WNK1: variants seen among roughly 807,000 people sequenced by gnomAD.
WNK1 encodes the protein serine/threonine-protein kinase WNK1.
WNK1 carries 38 observed loss-of-function variants against 222.8 expected under a neutral mutation model. The ratio of observed to expected loss-of-function variants is 0.17; its 90% CI spans 0.13 to 0.22. The LOEUF is 0.22. Among genes scored for constraint, WNK1 ranks in the 10% least tolerant of loss-of-function variants. The pLI is 1.00. For synonymous variants in WNK1, 1,090 were observed against 1,092.9 expected, an observed-to-expected ratio of 1.00 and a Z score of 0.05; for missense variants, 2,348 against 2,918.4, an observed-to-expected ratio of 0.80 and a Z score of 4.50.
intron 1 of WNK1, among the ~76,000 whole-genome samples, chr12:807,671 T>C (rs992768240): frequency 6.6e-6 from 1 of 151,684 alleles, no homozygotes; most frequent in African/African-American, 2.4e-5. Context: ...AACATTTGTC[T>C]CTGAAGTGTA....
chr12:820,442 C>CTG (rs71293136), intron 2 of WNK1, among the ~76,000 whole-genome samples: 17,896 of 129,202 alleles, frequency 0.14, 1,417 homozygotes, highest in Middle Eastern at 0.25. Context: ...ATTAGCTCAT[C>CTG]TGTGTGTGTG....
At chr12:896,930 A>G (rs1954795678) in intron 24 of WNK1, among the ~76,000 whole-genome samples, 198 bp downstream of exon 24, 2 of 76,438 alleles carry the variant, frequency 2.6e-5, no homozygotes, top group African/African-American at 9.6e-5. Flanking sequence ...ACACACACAC[A>G]CACACACACG....
chr12:891,998 C>G (rs1464689828), intron 22 of WNK1, among the ~76,000 whole-genome samples: 1 of 145,160 alleles, frequency 6.9e-6, no homozygotes, highest in Non-Finnish European at 1.5e-5. Flanking sequence ...TTATGAATAT[C>G]TTATTACTAT....
intron 1 of WNK1, among the ~76,000 whole-genome samples, chr12:759,784 A>T (rs1940761997): frequency 6.8e-6 from 1 of 147,862 alleles, no homozygotes; most frequent in Admixed American, 6.7e-5. Flanking sequence ...TAATTGTGTC[A>T]CCTTGAGCAA....
chr12:864,110 G>GTTTTTTT lies in WNK1; in HGVS notation c.2139+1851_2139+1857dup, dbSNP rs372936466. On this transcript the variant is annotated intron_variant, in intron 8 of 27. Coordinates refer to ENST00000315939, the MANE Select transcript of WNK1 (RefSeq NM_018979.4). ...ACCCTGTGCCTGAACATTTTTTTAA[G>GTTTTTTT]TTTTTTTTTTTTTTTTTGACAGCGT... 4.0e-5 allele frequency among the ~76,000 whole-genome samples: 5 copies of GTTTTTTT among 124,578 alleles called. 1 individual carries two copies. Among genetic ancestry groups the GTTTTTTT allele is most frequent in the African/African-American group, 1.5e-4 (5 of 33,084 alleles). 81.7% of individuals were successfully genotyped at this position (124,578 alleles called of 152,430 possible).
At chr12:772,574 A>G (rs1167643895) in intron 1 of WNK1, among the ~76,000 whole-genome samples, 1 of 152,166 alleles carries the variant, frequency 6.6e-6, no homozygotes, top group Admixed American at 6.6e-5. Flanking sequence ...TTTACCTTAT[A>G]GAAAAACCAT....
At chr12:851,929 T>C (rs572149350) in intron 4 of WNK1, 3 of 743,554 alleles carry the variant, frequency 4.0e-6, no homozygotes, top group African/African-American at 3.7e-5. Context: ...TATTTAGAGT[T>C]CTGTAATTTA....
chr12:858,402 C>T (rs1018061543), intron 5 of WNK1, among the ~76,000 whole-genome samples: 3 of 152,170 alleles, frequency 2.0e-5, no homozygotes, highest in Middle Eastern at 3.4e-3. Context: ...ATTGGTCAGG[C>T]GGGTTGCAGA....
intron 26 of WNK1, among the ~76,000 whole-genome samples, chr12:903,101 C>T (rs1955408856): frequency 6.6e-6 from 1 of 152,190 alleles, no homozygotes; most frequent in Non-Finnish European, 1.5e-5. Context: ...ACACGTTTAA[C>T]TGCCATTTCC....
Position 881,808 on chromosome 12 carries a change from C to A in WNK1, c.3209+19C>A. 6.2e-7 allele frequency: 1 copy of A among 1,613,944 alleles called. No individual in the cohort carries two copies. Among genetic ancestry groups the A allele is most frequent in the Non-Finnish European group, 8.5e-7 (1 of 1,179,812 alleles). On this transcript the variant is annotated intron_variant, in intron 13 of 27. Transcript: ENST00000315939. ...TAGACAGGTACGTAAAACTAGAATTCTCCTTCCTTGACTGGTAAATAAGAC... is the reference window on the plus strand; with the variant it reads ...TAGACAGGTACGTAAAACTAGAATTATCCTTCCTTGACTGGTAAATAAGAC...
At chr12:798,447 C>A (rs1335248814) in intron 1 of WNK1, among the ~76,000 whole-genome samples, 1 of 152,176 alleles carries the variant, frequency 6.6e-6, no homozygotes, top group Admixed American at 6.5e-5. Context: ...CCGCCTCGGC[C>A]TCCCAAAGTG....
chr12:754,393 C>G (rs776683543), intron 1 of WNK1, 69 bp downstream of exon 1: 1 of 1,593,962 alleles, frequency 6.3e-7, no homozygotes, highest in Non-Finnish European at 8.6e-7. Context: ...GCCAGTTGAT[C>G]GAGTTCACCC....
rs760404411 is a variant in WNK1 at position 813,752 on chromosome 12, A to G, written c.870A>G (p.Thr290=). The G allele has an allele frequency of 1.2e-6, 2 of 1,614,058 alleles. No individual in the cohort carries two copies. Among genetic ancestry groups the G allele is most frequent in the Admixed American group, 3.3e-5 (2 of 60,010 alleles). Reference sequence around the variant, plus strand: ...GATTTTATGATTCCTGGGAATCCACAGTAAAAGGAAAGAAGTGCATTGTTT... The same window carrying G: ...GATTTTATGATTCCTGGGAATCCACGGTAAAAGGAAAGAAGTGCATTGTTT... The part of the protein sequence containing the change: ...IVRFYDSWES[T]VKGKKCIVLV... The change falls in exon 2 of 28, where the codon ACA becomes ACG. Residue 290 remains threonine, a synonymous_variant. Transcript: ENST00000315939.
chr12:809,360 A>G (rs1429824526), intron 1 of WNK1, among the ~76,000 whole-genome samples: 1 of 150,370 alleles, frequency 6.7e-6, no homozygotes, highest in Non-Finnish European at 1.5e-5. Context: ...CCCCATAATT[A>G]TGATATCTTT....
chr12:767,523 T>A (rs1443518743), intron 1 of WNK1, among the ~76,000 whole-genome samples: 3 of 152,098 alleles, frequency 2.0e-5, no homozygotes, highest in Non-Finnish European at 2.9e-5. Flanking sequence ...AGTGCTGGGA[T>A]AACAGGCATG....
At position 827,005 on chromosome 12, in the gene WNK1, C is replaced by T; in HGVS notation, c.933-37C>T. 1 of 1,541,852 alleles carries T rather than the reference C, an allele frequency of 6.5e-7. No individual in the cohort carries two copies. Among genetic ancestry groups the T allele is most frequent in the Non-Finnish European group, 9.0e-7 (1 of 1,116,732 alleles). On this transcript the variant is annotated intron_variant, in intron 2 of 27. Coordinates refer to ENST00000315939, the MANE Select transcript of WNK1 (RefSeq NM_018979.4). This position sits in a 1 kb window ranked among gnomAD's most constrained non-coding sequence, Gnocchi z 4.6. Reference sequence around the variant, plus strand: ...ATTCTTCAAAGCAACAAACTCCTATCATTGATAACTTGTTTGGTATACTTT... The same window carrying T: ...ATTCTTCAAAGCAACAAACTCCTATTATTGATAACTTGTTTGGTATACTTT...
intron 26 of WNK1, chr12:906,248 G>A (rs1955688778): frequency 1.1e-6 from 1 of 946,920 alleles, no homozygotes; most frequent in Admixed American, 6.2e-5. Flanking sequence ...TGGGGGGTAA[G>A]GAAAACAGAC....
Position 885,561 on chromosome 12 carries a change from C to T in WNK1, c.4757C>T (p.Ala1586Val). ...TCTACTCCTATTCTTCCCCAAGCAG[C>T]AGGACCTACTTCTACACCTTTATTA... ...IASTPILPQA[A>V]GPTSTPLLPQ... The change falls in exon 19 of 28, where the codon GCA (alanine) becomes GTA (valine). Residue 1586 changes from alanine (A) to valine (V), a missense_variant. Around this residue, in one of 13 missense-constraint regions of WNK1, gnomAD observed 1,144 missense variants for 1,273.6 expected, o/e 0.90. Transcript: ENST00000315939. 2 of 1,614,146 alleles carry T rather than the reference C, an allele frequency of 1.2e-6. No individual in the cohort carries two copies. The highest frequency in any genetic ancestry group is 1.7e-6 in the Non-Finnish European group (2 of 1,180,032).
rs754533334 is a variant in WNK1, at chr12:880,967, C to G, written c.3079C>G (p.Pro1027Ala). The G allele has an allele frequency of 6.2e-7, 1 of 1,614,088 alleles. No homozygotes were observed. The highest frequency in any genetic ancestry group is 1.1e-5 in the South Asian group (1 of 91,072). ...GCCAGGAGGGAGTTTAGCACAAGCC[C>G]CCACTACATCCTCCCAGCAAGCAGT... is the stretch of plus-strand genomic sequence containing the variant. ...SQPGGSLAQA[P>A]TTSSQQAVLE... The change falls in exon 12 of 28, where the codon CCC (proline) becomes GCC (alanine). Residue 1027 changes from proline (P) to alanine (A), a missense_variant. Transcript: ENST00000315939.
Sources: gnomAD v4.1 joint callset for allele counts (sites outside exome capture counted in the v4.1 genomes callset) on GRCh38, gnomAD v4.1.1 for gene constraint, gnomAD v4.1.1 regional missense constraint, Gnocchi (gnomAD v3.1) non-coding constraint, MANE v1.5 for transcripts, NCBI Gene and HGNC (gene_info 2026-07-23, HGNC 2026-07-21) for gene names.